The following ATP7A variants were observed in gnomAD, a reference collection of about 807,000 sequenced individuals.
The protein encoded by ATP7A is ATPase copper transporting alpha.
A neutral mutation model predicts 83.5 loss-of-function variants in ATP7A; 7 were observed. The observed-to-expected ratio is 0.08, with a 90% CI of 0.05 to 0.16. The LOEUF is 0.16. Ranked by LOEUF, ATP7A falls within the 10% of genes least tolerant of loss-of-function variation. The pLI, the probability that ATP7A is intolerant of heterozygous loss-of-function variation, is 1.00. For synonymous variants in ATP7A, 354 were observed against 395.2 expected (o/e 0.90, Z 1.24); for missense variants, 940 against 1,120.8 (o/e 0.84, Z 2.30).
chrX:77,915,840 C>T (rs910251295), intron 1 of ATP7A, among the ~76,000 whole-genome samples: 4 of 111,780 alleles, frequency 3.6e-5, no homozygotes, highest in South Asian at 3.7e-4. Flanking sequence ...CATGCCTCAG[C>T]CCCCCGAGTA....
In ATP7A at chrX:77,971,693, A is replaced by C. The variant is rs1557229679; in HGVS notation, c.52A>C (p.Thr18Pro). The change falls in exon 2 of 23, where the codon ACT becomes CCT. Residue 18 changes from threonine (T) to proline (P), a missense_variant. Physicochemically the swap from Thr to Pro is conservative, Grantham distance 38. Transcript: ENST00000341514. ...TGTTACCATTTCTGTTGAGGGTATG[A>C]CTTGCAATTCCTGTGTTTGGACCAT... ...NSVTISVEGMTCNSCVWTIEQ... is the reference protein window; with the variant it reads ...NSVTISVEGMPCNSCVWTIEQ... 2 of 1,210,426 alleles carry C rather than the reference A, an allele frequency of 1.7e-6. No individual in the cohort carries two copies. The highest frequency in any genetic ancestry group is 1.1e-6 in the Non-Finnish European group (1 of 894,209).
chrX:77,965,328 A>G, intron 1 of ATP7A: 4 of 297,830 alleles, frequency 1.3e-5, no homozygotes, highest in Non-Finnish European at 2.6e-5. Context: ...AACAACAACA[A>G]CAAAATAACC....
intron 1 of ATP7A, chrX:77,924,131 G>A (rs936980924): frequency 9.0e-6 from 1 of 111,111 alleles, no homozygotes. Context: ...TATAGTCTCA[G>A]TTTTGTGAGA....
intron 7 of ATP7A, among the ~76,000 whole-genome samples, chrX:78,010,943 C>CATA (rs2077818659): frequency 1.8e-5 from 2 of 110,694 alleles, no homozygotes; most frequent in Non-Finnish European, 3.8e-5. Context: ...TTGAGTTAAA[C>CATA]TCTTATATAT....
At chrX:77,911,600 G>A (rs191881462) in intron 1 of ATP7A, among the ~76,000 whole-genome samples, 2,902 of 107,040 alleles carry the variant, frequency 0.027, 51 homozygotes, top group Middle Eastern at 0.08. Context: ...GTGGTGGGGA[G>A]GGGGTGATGC....
At chrX:77,969,376 T>A (rs781905991) in intron 1 of ATP7A, 1 of 1,208,311 alleles carries the variant, frequency 8.3e-7, no homozygotes, top group Non-Finnish European at 1.1e-6. Context: ...GTGCCGCTCA[T>A]TGAGGCGCCA....
chrX:77,924,067 C>T (rs782105649), intron 1 of ATP7A: 4 of 110,878 alleles, frequency 3.6e-5, no homozygotes, highest in South Asian at 3.8e-4. Flanking sequence ...TTTTAAGTAC[C>T]GCACTTTTTT....
intron 1 of ATP7A, chrX:77,969,783 T>C: frequency 2.7e-6 from 2 of 742,096 alleles, no homozygotes; most frequent in Non-Finnish European, 1.9e-6. Flanking sequence ...ATATATTAGA[T>C]TGATTTATAT....
chrX:77,998,140 C>T (rs1288132331), intron 4 of ATP7A, among the ~76,000 whole-genome samples: 1 of 111,582 alleles, frequency 9.0e-6, no homozygotes, highest in Non-Finnish European at 1.9e-5. Context: ...GTATGCCAAT[C>T]ATCAACATGA....
intron 9 of ATP7A, 84 bp from the exon 10 acceptor site, chrX:78,012,795 A>G (rs1557234707): frequency 1.2e-6 from 1 of 847,477 alleles, no homozygotes; most frequent in East Asian, 3.1e-5. Context: ...AAAGAAAGTG[A>G]CTATTGATAC....
chrX:78,005,702 A>G (rs1361218652), intron 6 of ATP7A, among the ~76,000 whole-genome samples: 4 of 105,808 alleles, frequency 3.8e-5, no homozygotes, highest in Admixed American at 2.1e-4. Context: ...AAAAAAAAAA[A>G]AAAAGAAAAA....
At chrX:78,001,654 C>A (rs1318102010) in intron 5 of ATP7A, among the ~76,000 whole-genome samples, 1 of 111,047 alleles carries the variant, frequency 9.0e-6, no homozygotes, top group Non-Finnish European at 1.9e-5. Context: ...ATCATTTTTT[C>A]TTTTTTTATC....
intron 13 of ATP7A, 81 bp from the exon 14 acceptor site, chrX:78,020,864 C>T: frequency 9.7e-7 from 1 of 1,035,823 alleles, no homozygotes; most frequent in Admixed American, 2.2e-5. Context: ...GTGCTAACTA[C>T]TAAATATACT....
intron 17 of ATP7A, among the ~76,000 whole-genome samples, chrX:78,035,363 G>A (rs985848321): frequency 5.4e-5 from 6 of 111,786 alleles, no homozygotes; most frequent in African/African-American, 9.8e-5. Flanking sequence ...AAATCTAGTC[G>A]TGTCACTCTC....
intron 2 of ATP7A, among the ~76,000 whole-genome samples, chrX:77,973,899 T>G (rs2149075046): frequency 8.9e-6 from 1 of 111,921 alleles, no homozygotes; most frequent in Admixed American, 9.5e-5. Flanking sequence ...CAGGAATCAA[T>G]AGTTTTCAGC....
chrX:77,943,838 C>T (rs1367095146), intron 1 of ATP7A, among the ~76,000 whole-genome samples: 1 of 111,612 alleles, frequency 9.0e-6, no homozygotes, highest in African/African-American at 3.3e-5. Flanking sequence ...TATCTATTCC[C>T]TAATTGATAG....
intron 1 of ATP7A, among the ~76,000 whole-genome samples, chrX:77,932,880 T>C (rs782078468): frequency 1.4e-4 from 15 of 110,078 alleles, no homozygotes; most frequent in South Asian, 3.9e-4. Context: ...GGCTCGGCAT[T>C]AGAGGGAGAC....
chrX:78,013,572 T>G (rs1324424457), intron 10 of ATP7A, among the ~76,000 whole-genome samples: 2 of 112,146 alleles, frequency 1.8e-5, no homozygotes, highest in Non-Finnish European at 3.8e-5. Context: ...CAGTCTAGAT[T>G]ATTATCTAAT....
intron 14 of ATP7A, among the ~76,000 whole-genome samples, chrX:78,023,683 G>C (rs1210927222): frequency 9.0e-6 from 1 of 111,171 alleles, no homozygotes; most frequent in Non-Finnish European, 1.9e-5. Context: ...GTTTCATATA[G>C]AGTCTAGATA....
Sources: allele counts gnomAD v4.1 joint callset (sites outside exome capture counted in the v4.1 genomes callset), GRCh38; gene constraint gnomAD v4.1.1; transcripts MANE v1.5; gene names NCBI Gene and HGNC (gene_info 2026-07-23, HGNC 2026-07-21).